The following KIAA1671 variants were observed in gnomAD, a reference collection of about 807,000 sequenced individuals.
KIAA1671 encodes the protein KIAA1671.
Under a neutral mutation model 131.2 loss-of-function variants are expected in KIAA1671, and 52 were observed. The ratio of observed to expected loss-of-function variants is 0.40; its 90% confidence interval spans 0.32 to 0.50. The LOEUF is 0.50. Among genes scored for constraint, KIAA1671 ranks in the 20% least tolerant of loss-of-function variants. The pLI is 0.73. For missense variants in KIAA1671, 2,360 were observed against 2,364.2 expected, an observed-to-expected ratio of 1.00 and a Z score of 0.04; for synonymous variants, 1,003 against 961.6, an observed-to-expected ratio of 1.04 and a Z score of -0.80.
chr22:25,027,919 CTTGT>C (rs1195315013), intron 2 of KIAA1671, 22 bp from the exon 3 acceptor site: 15 of 1,138,784 alleles, frequency 1.3e-5, no homozygotes, highest in African/African-American at 1.3e-4. Context: ...TCCAAATTTA[CTTGT>C]TTGTTTGTTT....
In KIAA1671 at chr22:25,039,118, C is replaced by A; in HGVS notation, c.1988C>A (p.Pro663Gln). 1 of 1,551,500 alleles carries A rather than the reference C, an allele frequency of 6.4e-7. No homozygotes were observed. The highest frequency in any genetic ancestry group is 8.7e-7 in the Non-Finnish European group (1 of 1,147,018). ...GGCTCTTGGCTGGGCAGGGACCCAC[C>A]AGACATGACAAAACTGAAGAAAGAG... ...EMGSWLGRDPPDMTKLKKENS... is the reference protein window; with the variant it reads ...EMGSWLGRDPQDMTKLKKENS... The change falls in exon 5 of 13, where the codon CCA becomes CAA. Residue 663 changes from proline to glutamine, a missense_variant. Transcript: ENST00000358431.
At chr22:25,143,566 A>T (rs1392464339) in intron 6 of KIAA1671, among the ~76,000 whole-genome samples, 1 of 152,004 alleles carries the variant, frequency 6.6e-6, no homozygotes, top group East Asian at 1.9e-4. Context: ...GAAATGTGAG[A>T]TGCTGGTCTC....
At chr22:24,961,453 T>C (rs1922011432) in intron 1 of KIAA1671, among the ~76,000 whole-genome samples, 1 of 152,216 alleles carries the variant, frequency 6.6e-6, no homozygotes, top group Non-Finnish European at 1.5e-5. Flanking sequence ...CAGTGGCCTT[T>C]AACAGCAAAC....
At chr22:25,089,877 T>C (rs1027972906) in intron 6 of KIAA1671, among the ~76,000 whole-genome samples, 8 of 152,186 alleles carry the variant, frequency 5.3e-5, no homozygotes, top group African/African-American at 1.9e-4. Context: ...GTGGCCTTTC[T>C]GGGTCATCTA....
intron 6 of KIAA1671, among the ~76,000 whole-genome samples, chr22:25,151,646 C>T (rs1933048534): frequency 1.3e-5 from 2 of 151,890 alleles, no homozygotes; most frequent in Non-Finnish European, 2.9e-5. Context: ...GGCCAGGCTA[C>T]TCTCCAACTC....
At chr22:24,955,069 C>T (rs1169585112) in intron 1 of KIAA1671, among the ~76,000 whole-genome samples, 1 of 152,228 alleles carries the variant, frequency 6.6e-6, no homozygotes, top group African/African-American at 2.4e-5. Context: ...GCATGAGCCA[C>T]TGCGCCTGGC....
chr22:25,049,667 C>A, intron 6 of KIAA1671: 1 of 300,904 alleles, frequency 3.3e-6, no homozygotes, highest in East Asian at 5.4e-5. Flanking sequence ...CCAATCCCAG[C>A]ACGGTCTCCT....
At chr22:25,059,573 CA>C (rs1480051712) in intron 6 of KIAA1671, 1 of 151,932 alleles carries the variant, frequency 6.6e-6, no homozygotes, top group Non-Finnish European at 1.5e-5. Context: ...AGATGCACAA[CA>C]AACTAACCCG....
intron 6 of KIAA1671, chr22:25,112,460 A>G: frequency 7.5e-6 from 3 of 398,960 alleles, no homozygotes; most frequent in Non-Finnish European, 1.3e-5. Context: ...ACCGCCAGAT[A>G]TTGTAAGCTT....
At chr22:25,007,174 G>T (rs538653411) in intron 1 of KIAA1671, among the ~76,000 whole-genome samples, 1 of 152,192 alleles carries the variant, frequency 6.6e-6, no homozygotes, top group Admixed American at 6.5e-5. Context: ...TGGGACCTGT[G>T]CTACCCTGGA....
chr22:25,188,486 G>A (rs1285713069), intron 11 of KIAA1671, among the ~76,000 whole-genome samples: 3 of 145,666 alleles, frequency 2.1e-5, no homozygotes, highest in Admixed American at 2.0e-4. Flanking sequence ...GTGTGTGTGT[G>A]TGTGTGTAAA....
At chr22:25,071,395 C>T (rs757741378) in intron 6 of KIAA1671, among the ~76,000 whole-genome samples, 1 of 152,210 alleles carries the variant, frequency 6.6e-6, no homozygotes, top group Non-Finnish European at 1.5e-5. Context: ...TGTCTCACCT[C>T]CCTCCTGAGC....
chr22:24,988,280 C>CA (rs59935051), intron 1 of KIAA1671, among the ~76,000 whole-genome samples: 13,947 of 89,040 alleles, frequency 0.16, 1,106 homozygotes, highest in East Asian at 0.47. Context: ...AACTCCATCT[C>CA]AAAAAAAAAA....
At chr22:25,164,135 G>T (rs1305194850) in intron 6 of KIAA1671, among the ~76,000 whole-genome samples, 1 of 152,214 alleles carries the variant, frequency 6.6e-6, no homozygotes, top group Non-Finnish European at 1.5e-5. Context: ...AACCTGCCAA[G>T]TCTTGAGGTT....
At chr22:25,121,035 G>A (rs1008226565) in intron 6 of KIAA1671, among the ~76,000 whole-genome samples, 3 of 152,114 alleles carry the variant, frequency 2.0e-5, no homozygotes, top group East Asian at 1.9e-4. Flanking sequence ...CTCTCCCTGC[G>A]TTTTCTAATC....
At chr22:25,075,154 G>C (rs1166959190) in intron 6 of KIAA1671, among the ~76,000 whole-genome samples, 5 of 152,174 alleles carry the variant, frequency 3.3e-5, no homozygotes, top group African/African-American at 1.2e-4. Context: ...TCCCCTGCAA[G>C]GGACATTTGG....
In KIAA1671 at chr22:25,147,278, C is replaced by T. The variant is rs1248008087; in HGVS notation, c.4531-23542C>T. Reference sequence around the variant, plus strand: ...TGCAGTCTTGGCTCACTGCAACTTCCACCTCCCAGGTTCAAGTGATTCTCC... The same window carrying T: ...TGCAGTCTTGGCTCACTGCAACTTCTACCTCCCAGGTTCAAGTGATTCTCC... On this transcript the variant is annotated intron_variant, in intron 6 of 12. Transcript: ENST00000358431. Among the ~76,000 whole-genome samples, 10 of 151,838 alleles carry T rather than the reference C, an allele frequency of 6.6e-5. No individual in the cohort carries two copies. The South Asian group carries it at 2.1e-3, about 32-fold the overall frequency.
chr22:25,166,020 G>A (rs141428294), intron 6 of KIAA1671, among the ~76,000 whole-genome samples: 1 of 152,372 alleles, frequency 6.6e-6, no homozygotes, highest in Non-Finnish European at 1.5e-5. Context: ...GACGTGGGGG[G>A]CTGTGGAAGG....
Position 25,163,336 on chromosome 22 carries a change from T to A in KIAA1671, c.4531-7484T>A, listed in dbSNP as rs1009015393. ...AGAGTGAGACATTGCCTCAAATTTTTTTTTTTTTTTTTTTTTTTTTTTTTT... is the reference window on the plus strand; with the variant it reads ...AGAGTGAGACATTGCCTCAAATTTTATTTTTTTTTTTTTTTTTTTTTTTTT... On this transcript the variant is annotated intron_variant, in intron 6 of 12. Transcript: ENST00000358431. Among the ~76,000 whole-genome samples the A allele has an allele frequency of 4.6e-3, 619 of 133,558 alleles. 13 individuals carry two copies. Among genetic ancestry groups the A allele is most frequent in the African/African-American group, 0.019 (586 of 30,212 alleles). The allele number at this position is 133,558 out of a possible 152,430, so 87.6% of individuals were successfully genotyped here.
Sources: gnomAD v4.1 joint callset for allele counts (sites outside exome capture counted in the v4.1 genomes callset) on GRCh38, gnomAD v4.1.1 for gene constraint, MANE v1.5 for transcripts, NCBI Gene and HGNC (gene_info 2026-07-23, HGNC 2026-07-21) for gene names.